The following AGBL1 variants were observed in gnomAD, a reference collection of about 807,000 sequenced individuals.
The protein encoded by AGBL1 is AGBL carboxypeptidase 1.
In AGBL1, 130 loss-of-function variants were observed where a neutral mutation model predicts 118.9. That is an observed-to-expected ratio of 1.09 (90% CI 0.95 to 1.26). AGBL1 has a LOEUF of 1.26. Ranked by LOEUF, AGBL1 falls within the 50% of genes most tolerant of loss-of-function variation. The pLI, the probability that AGBL1 is intolerant of heterozygous loss-of-function variation, is 0.00. For synonymous variants in AGBL1, 555 were observed against 478.9 expected (o/e 1.16, Z -2.08); for missense variants, 1,584 against 1,298.1 (o/e 1.22, Z -3.38).
intron 22 of AGBL1, among the ~76,000 whole-genome samples, chr15:86,754,245 GC>G (rs1389801791): frequency 6.6e-6 from 1 of 152,080 alleles, no homozygotes; most frequent in African/African-American, 2.4e-5. Flanking sequence ...TGGAAGCATA[GC>G]CTTAATTAGT....
At chr15:86,868,951 T>C (rs2079679908) in intron 22 of AGBL1, among the ~76,000 whole-genome samples, 1 of 152,218 alleles carries the variant, frequency 6.6e-6, no homozygotes, top group Non-Finnish European at 1.5e-5. Flanking sequence ...ACGTCCACCT[T>C]GGCTTACAGC....
chr15:86,755,112 G>A (rs764911693), intron 22 of AGBL1, among the ~76,000 whole-genome samples: 37 of 151,948 alleles, frequency 2.4e-4, no homozygotes, highest in Non-Finnish European at 3.8e-4. Context: ...ACAATGTGAC[G>A]GACTTTCATA....
chr15:86,266,882 AG>A, intron 12 of AGBL1, 107 bp from the exon 13 acceptor site: 1 of 984,220 alleles, frequency 1.0e-6, no homozygotes, highest in Non-Finnish European at 1.5e-6. Context: ...CCTGGGCAAC[AG>A]AGTGAGATTC....
At chr15:86,171,229 A>G (rs1390112836) in intron 5 of AGBL1, among the ~76,000 whole-genome samples, 4 of 152,220 alleles carry the variant, frequency 2.6e-5, no homozygotes, top group Admixed American at 6.5e-5. Context: ...TGGTAACATG[A>G]GTAAATATAT....
At chr15:86,283,353 G>T (rs1027846873) in intron 16 of AGBL1, among the ~76,000 whole-genome samples, 3 of 151,960 alleles carry the variant, frequency 2.0e-5, no homozygotes, top group Non-Finnish European at 2.9e-5. Flanking sequence ...CAACAAAAGC[G>T]GTCATTAGCA....
Position 86,295,337 on chromosome 15 carries a change from G to C in AGBL1, c.2303G>C (p.Gly768Ala), listed in dbSNP as rs755794124. 6 of 1,613,244 alleles carry C rather than the reference G, an allele frequency of 3.7e-6. No homozygotes were observed. The East Asian group carries it at 1.3e-4, about 36-fold the overall frequency. ...GATGTTCTCTGCCAGACGCTGGGAG[G>C]GAATCCGTGTCCCTTGGTGACCATC... ...RQDVLCQTLGGNPCPLVTITA... is the reference protein window; with the variant it reads ...RQDVLCQTLGANPCPLVTITA... Residue 768 changes from glycine to alanine, a missense_variant, in exon 17 of 23, where the codon GGG becomes GCG. Physicochemically the swap from Gly to Ala is moderately conservative, Grantham distance 60. Transcript: ENST00000614907.
chr15:86,544,674 A>G (rs2142249232), intron 19 of AGBL1, among the ~76,000 whole-genome samples: 1 of 152,252 alleles, frequency 6.6e-6, no homozygotes, highest in African/African-American at 2.4e-5. Flanking sequence ...CAGCATGGCA[A>G]AGACCTACCC....
chr15:86,410,671 C>T (rs561647802), intron 18 of AGBL1, among the ~76,000 whole-genome samples: 204 of 150,260 alleles, frequency 1.4e-3, no homozygotes, highest in Non-Finnish European at 2.3e-3. Flanking sequence ...ATGTTCTTCT[C>T]AATGGTAGGG....
chr15:86,765,744 G>T (rs1172821030), intron 22 of AGBL1, among the ~76,000 whole-genome samples: 1 of 150,540 alleles, frequency 6.6e-6, no homozygotes, highest in Non-Finnish European at 1.5e-5. Context: ...CAGTGTAGAT[G>T]TTATCTTATT....
At chr15:86,926,286 A>G (rs1389162912) in intron 23 of AGBL1, among the ~76,000 whole-genome samples, 1 of 152,166 alleles carries the variant, frequency 6.6e-6, no homozygotes, top group Non-Finnish European at 1.5e-5. Flanking sequence ...TTCGTCTTAC[A>G]TTATCCTCAC....
At chr15:86,230,650 C>A (rs1019916595) in intron 6 of AGBL1, among the ~76,000 whole-genome samples, 3 of 152,202 alleles carry the variant, frequency 2.0e-5, no homozygotes, top group Admixed American at 2.0e-4. Context: ...ACTACGAGAA[C>A]TGGAAAACAC....
chr15:86,600,735 C>T (rs547293881), intron 21 of AGBL1, among the ~76,000 whole-genome samples: 1 of 152,114 alleles, frequency 6.6e-6, no homozygotes, highest in South Asian at 2.1e-4. Context: ...TTACCCTCAC[C>T]TCCAAAACAA....
At chr15:86,597,232 A>G (rs2084424693) in intron 21 of AGBL1, among the ~76,000 whole-genome samples, 1 of 151,988 alleles carries the variant, frequency 6.6e-6, no homozygotes, top group Admixed American at 6.6e-5. Context: ...TTTTCTGTCT[A>G]TCTGTTTTTG....
intron 5 of AGBL1, among the ~76,000 whole-genome samples, chr15:86,209,429 CATT>C (rs980548467): frequency 9.2e-5 from 14 of 152,058 alleles, no homozygotes; most frequent in African/African-American, 2.7e-4. Context: ...TAAAGTCTCC[CATT>C]ATTATTGTGT....
intron 5 of AGBL1, among the ~76,000 whole-genome samples, chr15:86,219,314 A>G (rs1597575039): frequency 2.0e-5 from 3 of 152,154 alleles, no homozygotes; most frequent in South Asian, 2.1e-4. Context: ...GGTTTTTGCC[A>G]TTACTTTTAA....
At chr15:86,566,753 G>A (rs1399925765) in intron 21 of AGBL1, among the ~76,000 whole-genome samples, 2 of 152,006 alleles carry the variant, frequency 1.3e-5, no homozygotes, top group Non-Finnish European at 1.5e-5. Context: ...CAACACACAA[G>A]TATATGTATA....
Position 86,264,659 on chromosome 15 carries a change from T to C in AGBL1, c.1488T>C (p.Asp496=). 6.2e-7 allele frequency: 1 copy of C among 1,613,992 alleles called. No individual in the cohort carries two copies. Among genetic ancestry groups the C allele is most frequent in the Non-Finnish European group, 8.5e-7 (1 of 1,179,880 alleles). Residue 496 remains aspartate (D), a synonymous_variant, in exon 11 of 23, where the codon GAT becomes GAC. Coordinates refer to ENST00000614907, the MANE Select transcript of AGBL1 (RefSeq NM_001386094.1). ...TRTREVVKVI[D]KLLQTHLKRV... is the part of the protein sequence containing the mutation. ...CTAGAGAAGTTGTCAAAGTAATAGA[T>C]AAGCTTCTGCAGACACATCTGAAGC...
At chr15:86,592,627 A>G (rs2084353386) in intron 21 of AGBL1, among the ~76,000 whole-genome samples, 1 of 152,072 alleles carries the variant, frequency 6.6e-6, no homozygotes, top group Non-Finnish European at 1.5e-5. Context: ...TTTTTCCCTT[A>G]CCAGTTGAGT....
chr15:86,734,608 C>A (rs1477836035), intron 22 of AGBL1, among the ~76,000 whole-genome samples: 2 of 152,118 alleles, frequency 1.3e-5, no homozygotes, highest in Admixed American at 6.5e-5. Flanking sequence ...AGAGCCACAG[C>A]CGGCCAACTC....
Sources: gnomAD v4.1 joint callset for allele counts (sites outside exome capture counted in the v4.1 genomes callset) on GRCh38, gnomAD v4.1.1 for gene constraint, MANE v1.5 for transcripts, NCBI Gene and HGNC (gene_info 2026-07-23, HGNC 2026-07-21) for gene names.